TACR3: variants seen among roughly 807,000 people sequenced by gnomAD.
TACR3 encodes the protein tachykinin receptor 3.
TACR3 carries 34 observed loss-of-function variants against 35.0 expected under a neutral mutation model. The ratio of observed to expected loss-of-function variants is 0.97; its 90% CI spans 0.74 to 1.30. TACR3 has a LOEUF of 1.30. TACR3 is among the 50% of genes most tolerant of loss of function. The pLI, the probability that TACR3 is intolerant of heterozygous loss-of-function variation, is 0.00. For missense variants in TACR3, 558 were observed against 591.7 expected, an observed-to-expected ratio of 0.94 and a Z score of 0.59; for synonymous variants, 233 against 221.1, an observed-to-expected ratio of 1.05 and a Z score of -0.48.
At chr4:103,612,153 A>G (rs76657837) in intron 3 of TACR3, among the ~76,000 whole-genome samples, 1,884 of 152,320 alleles carry the variant, frequency 0.012, 41 homozygotes, top group African/African-American at 0.043. Context: ...CGTGTTCTCC[A>G]GTCTCACCCA....
chr4:103,673,143 A>C (rs892837609), intron 1 of TACR3, among the ~76,000 whole-genome samples: 1 of 152,136 alleles, frequency 6.6e-6, no homozygotes, highest in Non-Finnish European at 1.5e-5. Context: ...CTTAAACTCT[A>C]TATCAGCAAT....
intron 1 of TACR3, among the ~76,000 whole-genome samples, chr4:103,706,658 T>C (rs542444689): frequency 6.5e-4 from 99 of 152,242 alleles, no homozygotes; most frequent in East Asian, 1.9e-4. Flanking sequence ...GTGACGGTCA[T>C]AGGTTGGTGA....
At chr4:103,681,047 T>C (rs1452304144) in intron 1 of TACR3, among the ~76,000 whole-genome samples, 1 of 152,022 alleles carries the variant, frequency 6.6e-6, no homozygotes. Flanking sequence ...AACTATTTTA[T>C]TGAAAATAGA....
chr4:103,691,774 T>C (rs1474916195), intron 1 of TACR3, among the ~76,000 whole-genome samples: 2 of 152,150 alleles, frequency 1.3e-5, no homozygotes, highest in African/African-American at 2.4e-5. Context: ...CCACAAACAA[T>C]AGCATGAGCG....
intron 3 of TACR3, among the ~76,000 whole-genome samples, chr4:103,611,344 GGTTAA>G (rs879578778): frequency 8.6e-5 from 13 of 152,024 alleles, no homozygotes; most frequent in Admixed American, 5.9e-4. Flanking sequence ...CCATCTCCTC[GGTTAA>G]GTTTAGTCCT....
intron 3 of TACR3, among the ~76,000 whole-genome samples, chr4:103,632,358 A>G (rs13125475): frequency 0.15 from 22,195 of 152,136 alleles, 1,902 homozygotes; most frequent in African/African-American, 0.23. Context: ...GCAGCCACAA[A>G]GAGAAATGAG....
intron 3 of TACR3, among the ~76,000 whole-genome samples, chr4:103,599,041 G>A (rs1445608780): frequency 1.3e-5 from 2 of 152,070 alleles, no homozygotes; most frequent in Non-Finnish European, 2.9e-5. Flanking sequence ...AAATTACCTT[G>A]GGCAGTATGG....
intron 3 of TACR3, among the ~76,000 whole-genome samples, chr4:103,604,649 G>A (rs1173322117): frequency 6.6e-6 from 1 of 151,874 alleles, no homozygotes; most frequent in African/African-American, 2.4e-5. Flanking sequence ...ATCTGACAAA[G>A]GGCTAATATC....
chr4:103,593,658 C>T (rs1723942248), intron 3 of TACR3, among the ~76,000 whole-genome samples: 1 of 152,102 alleles, frequency 6.6e-6, no homozygotes, highest in Admixed American at 6.6e-5. Flanking sequence ...TCCCTGGCTC[C>T]TCCCTCTACC....
At chr4:103,628,043 C>T (rs1328643536) in intron 3 of TACR3, among the ~76,000 whole-genome samples, 2 of 152,154 alleles carry the variant, frequency 1.3e-5, no homozygotes, top group Non-Finnish European at 2.9e-5. Context: ...TCCCGAATGA[C>T]TACTGGGTAA....
At chr4:103,674,206 G>T (rs1320418331) in intron 1 of TACR3, among the ~76,000 whole-genome samples, 1 of 152,006 alleles carries the variant, frequency 6.6e-6, no homozygotes, top group African/African-American at 2.4e-5. Context: ...AACAGTGTTA[G>T]AACACTTTAT....
At position 103,699,809 on chromosome 4, in the gene TACR3, G is replaced by A. The variant is rs906996927; in HGVS notation, c.548+19319C>T. ...CCTCAGAAGATGGCAGTAGGAGTAC[G>A]TTTTAGAGGAACGTCAGGAACTCTG... On this transcript the variant is annotated intron_variant, in intron 1 of 4. Transcript: ENST00000304883. Among the ~76,000 whole-genome samples the A allele has an allele frequency of 3.3e-5, 5 of 152,066 alleles. No homozygotes were observed. In the East Asian group the frequency reaches 5.8e-4, roughly 18 times the overall value.
chr4:103,605,544 A>G (rs1724334505), intron 3 of TACR3, among the ~76,000 whole-genome samples: 1 of 150,066 alleles, frequency 6.7e-6, no homozygotes, highest in Non-Finnish European at 1.5e-5. Context: ...ATAGTATCTC[A>G]TTGTGGTTTT....
rs542562653 is a variant in TACR3 at position 103,717,048 on chromosome 4, C to T, written c.548+2080G>A. Among the ~76,000 whole-genome samples, 8 of 152,196 alleles carry T rather than the reference C, an allele frequency of 5.3e-5. No individual in the cohort carries two copies. In the East Asian group the frequency reaches 1.5e-3, roughly 29 times the overall value. ...CAACCTCAGAAGCGTTTTCTTTAAC[C>T]TATAAAATGACTGAAAACAGCACAG... On this transcript the variant is annotated intron_variant, in intron 1 of 4. Coordinates refer to ENST00000304883, the MANE Select transcript of TACR3 (RefSeq NM_001059.3).
At chr4:103,596,913 C>A (rs890365061) in intron 3 of TACR3, among the ~76,000 whole-genome samples, 1 of 151,738 alleles carries the variant, frequency 6.6e-6, no homozygotes, top group Admixed American at 6.6e-5. Flanking sequence ...CATCCATGTC[C>A]CTACAAAGGA....
chr4:103,641,683 T>C (rs78154848), intron 3 of TACR3, among the ~76,000 whole-genome samples: 5,704 of 152,084 alleles, frequency 0.038, 139 homozygotes, highest in Non-Finnish European at 0.055. Context: ...ATTCCCAGTT[T>C]ATTGCAACAT....
intron 3 of TACR3, among the ~76,000 whole-genome samples, chr4:103,648,445 C>G (rs1225258272): frequency 4.0e-5 from 6 of 151,896 alleles, no homozygotes; most frequent in African/African-American, 4.8e-5. Context: ...TTCCCACTAC[C>G]CTTCCAACCT....
intron 1 of TACR3, among the ~76,000 whole-genome samples, chr4:103,665,257 AT>A (rs573918953): frequency 6.6e-6 from 1 of 151,996 alleles, no homozygotes; most frequent in Non-Finnish European, 1.5e-5. Context: ...GACTATGACT[AT>A]TCATATATGT....
intron 3 of TACR3, among the ~76,000 whole-genome samples, chr4:103,637,477 A>G (rs1725219662): frequency 6.6e-6 from 1 of 152,138 alleles, no homozygotes; most frequent in Non-Finnish European, 1.5e-5. Flanking sequence ...CCCACAGCCA[A>G]TATCATACTG....
Sources: allele counts gnomAD v4.1 joint callset (sites outside exome capture counted in the v4.1 genomes callset), GRCh38; gene constraint gnomAD v4.1.1; transcripts MANE v1.5; gene names NCBI Gene and HGNC (gene_info 2026-07-23, HGNC 2026-07-21).